Variants in AVEN observed in about 807,000 individuals in gnomAD.
AVEN encodes the protein apoptosis and caspase activation inhibitor, also known as cell death regulator Aven.
AVEN carries 41 observed loss-of-function variants against 38.1 expected under a neutral mutation model. The observed-to-expected ratio is 1.08, with a 90% CI of 0.84 to 1.40. The LOEUF is 1.40. AVEN is among the 40% of genes most tolerant of loss of function. The pLI is 0.00. For synonymous variants in AVEN, 206 were observed against 171.8 expected (o/e 1.20, Z -1.56); for missense variants, 605 against 438.8 (o/e 1.38, Z -3.38).
Position 33,866,599 on chromosome 15 carries a change from T to G in AVEN, c.*14A>C, listed in dbSNP as rs1409848165. ...GGCAACCAAGATTTGCTTCAGGCACTTTTTTTCCCCTTTTTAGGAAATCAT... is the reference window on the plus strand; with the variant it reads ...GGCAACCAAGATTTGCTTCAGGCACGTTTTTTCCCCTTTTTAGGAAATCAT... On this transcript the variant is annotated 3_prime_UTR_variant, in exon 6 of 6. Coordinates refer to ENST00000306730, the MANE Select transcript of AVEN (RefSeq NM_020371.3). 1.2e-6 allele frequency: 2 copies of G among 1,602,150 alleles called. No homozygotes were observed. Among genetic ancestry groups the G allele is most frequent in the Non-Finnish European group, 1.7e-6 (2 of 1,170,432 alleles).
In AVEN at chr15:33,929,442, T is replaced by C. The variant is rs190634733; in HGVS notation, c.446-53447A>G. Reference sequence around the variant, plus strand: ...AACTGATAGGACTAGGGCCAGCCTCTGGGCCGAGGGAAAAAGAGTAAACCA... The same window carrying C: ...AACTGATAGGACTAGGGCCAGCCTCCGGGCCGAGGGAAAAAGAGTAAACCA... On this transcript the variant is annotated intron_variant, in intron 2 of 5. Coordinates refer to ENST00000306730, the MANE Select transcript of AVEN (RefSeq NM_020371.3). Among the ~76,000 whole-genome samples, 6 of 152,338 alleles carry C rather than the reference T, an allele frequency of 3.9e-5. 1 individual carries two copies. The East Asian group carries it at 1.2e-3, about 29-fold the overall frequency.
chr15:33,853,742 C>T, the AVEN span: 10 of 1,563,068 alleles, frequency 6.4e-6, no homozygotes, highest in Non-Finnish European at 8.7e-6. Flanking sequence ...CTTTGCTTTT[C>T]CATAGGAAAA....
chr15:33,855,740 A>T (rs192980271), downstream of AVEN: 3 of 152,356 alleles, frequency 2.0e-5, no homozygotes, highest in East Asian at 5.8e-4. Flanking sequence ...TATATACATT[A>T]TATAGTTAAT....
intron 2 of AVEN, chr15:33,969,197 T>C (rs1272142340): frequency 6.6e-6 from 1 of 152,098 alleles, no homozygotes; most frequent in African/African-American, 2.4e-5. Flanking sequence ...TCTACTGAAA[T>C]TAAATCTGCT....
chr15:33,968,183 C>G (rs1473101810), intron 2 of AVEN, among the ~76,000 whole-genome samples: 2 of 135,570 alleles, frequency 1.5e-5, no homozygotes, highest in Non-Finnish European at 3.1e-5. Flanking sequence ...CATTTTGGAA[C>G]CTTATTCCAG....
At chr15:33,963,340 T>A (rs1836559736) in intron 2 of AVEN, among the ~76,000 whole-genome samples, 1 of 152,216 alleles carries the variant, frequency 6.6e-6, no homozygotes, top group African/African-American at 2.4e-5. Flanking sequence ...AGATAGATCC[T>A]TTCTTTAAAA....
Position 34,038,773 on chromosome 15 carries a change from C to T in AVEN, c.267+7G>A. ...CGGTCCCAGCCCCACCAGCCGTCGCCTCTTACCGGCGCGCTGGCCCCTGCG... is the reference window on the plus strand; with the variant it reads ...CGGTCCCAGCCCCACCAGCCGTCGCTTCTTACCGGCGCGCTGGCCCCTGCG... On this transcript the variant is annotated splice_region_variant and intron_variant, in intron 1 of 5. Transcript: ENST00000306730. The T allele has an allele frequency of 8.5e-7, 1 of 1,173,560 alleles. No individual in the cohort carries two copies. The highest frequency in any genetic ancestry group is 1.0e-6 in the Non-Finnish European group (1 of 952,592). 72.7% of individuals were successfully genotyped at this position (1,173,560 alleles called of 1,614,324 possible). A position where few individuals can be genotyped will look rare whatever the true frequency, so the allele number is the denominator to read the frequency against.
At chr15:33,880,435 T>C (rs1891436426) in intron 2 of AVEN, among the ~76,000 whole-genome samples, 1 of 152,192 alleles carries the variant, frequency 6.6e-6, no homozygotes, top group African/African-American at 2.4e-5. Context: ...GGACAAAAAC[T>C]AGAGTTCAGG....
chr15:34,052,799 G>T (rs1204432004), intron 5 of AVEN, among the ~76,000 whole-genome samples: 1 of 152,016 alleles, frequency 6.6e-6, no homozygotes, highest in Non-Finnish European at 1.5e-5. Context: ...GGAAGTGAAG[G>T]ACCTCTTCAA....
intron 1 of AVEN, among the ~76,000 whole-genome samples, chr15:34,074,293 T>C (rs1900692458): frequency 6.6e-6 from 1 of 152,064 alleles, no homozygotes; most frequent in Non-Finnish European, 1.5e-5. Context: ...CCACTGCACC[T>C]GGCCCATGGA....
At chr15:33,854,664 C>A (rs1439087867), downstream of AVEN, 2 of 1,441,958 alleles carry the variant, frequency 1.4e-6, no homozygotes, top group African/African-American at 2.9e-5. Flanking sequence ...GCACCTAAAC[C>A]CCCTCTATCC....
At position 34,014,385 on chromosome 15, in the gene AVEN, C is replaced by CAAAAAAAAAAAAAAAAAAAAAAAAA. The variant is rs869310860; in HGVS notation, c.268-11177_268-11176insTTTTTTTTTTTTTTTTTTTTTTTTT. Among the ~76,000 whole-genome samples the CAAAAAAAAAAAAAAAAAAAAAAAAA allele has an allele frequency of 1.3e-4, 3 of 23,894 alleles. 1 individual carries two copies. The highest frequency in any genetic ancestry group is 1.6e-4 in the African/African-American group (2 of 12,750). 15.7% of individuals were successfully genotyped at this position (23,894 alleles called of 152,430 possible). A position where few individuals can be genotyped will look rare whatever the true frequency, so the allele number is the denominator to read the frequency against. On this transcript the variant is annotated intron_variant, in intron 1 of 5. Transcript: ENST00000306730. ...ATCTCATTAAAAAAAAAAAAAAAAACAAAAACAAAAACCACGTTTGAGGAT... is the reference window on the plus strand; with the variant it reads ...ATCTCATTAAAAAAAAAAAAAAAAACAAAAAAAAAAAAAAAAAAAAAAAAAAAAAACAAAAACCACGTTTGAGGAT...
At chr15:33,929,684 G>A (rs1893765610) in intron 2 of AVEN, among the ~76,000 whole-genome samples, 1 of 152,186 alleles carries the variant, frequency 6.6e-6, no homozygotes, top group South Asian at 2.1e-4. Flanking sequence ...AAATTACTGT[G>A]ACTAATTATT....
chr15:34,042,404 T>TG (rs1424278038), upstream of AVEN, among the ~76,000 whole-genome samples: 391 of 150,146 alleles, frequency 2.6e-3, 2 homozygotes, highest in African/African-American at 9.3e-3. Flanking sequence ...AAGTTTTTTT[T>TG]TTTTTTTTTT....
At chr15:34,015,035 A>AG (rs1897821602) in intron 1 of AVEN, among the ~76,000 whole-genome samples, 1 of 152,158 alleles carries the variant, frequency 6.6e-6, no homozygotes, top group African/African-American at 2.4e-5. Context: ...AGAGTCCTGA[A>AG]GCCTGAAAAG....
At chr15:34,053,333 T>TATAC (rs1900014100) in intron 5 of AVEN, among the ~76,000 whole-genome samples, 1 of 134,954 alleles carries the variant, frequency 7.4e-6, no homozygotes, top group South Asian at 2.3e-4. Context: ...TATATATATA[T>TATAC]ATATATATAT....
At chr15:34,062,554 CAAA>C (rs10632153) in intron 5 of AVEN, 508 of 409,462 alleles carry the variant, frequency 1.2e-3, no homozygotes, top group South Asian at 2.8e-3. Flanking sequence ...GATTCTGTCT[CAAA>C]AAAAAAAAAA....
downstream of AVEN, chr15:33,865,245 C>A: frequency 6.5e-7 from 1 of 1,547,320 alleles, no homozygotes; most frequent in South Asian, 1.2e-5. Flanking sequence ...CAAAGAAGCG[C>A]GACAATTCTG....
chr15:33,882,850 G>A (rs117061604), intron 2 of AVEN, among the ~76,000 whole-genome samples: 1 of 152,110 alleles, frequency 6.6e-6, no homozygotes, highest in Non-Finnish European at 1.5e-5. Flanking sequence ...TCCAGCCTGG[G>A]TGACGGAACA....
Sources: allele counts gnomAD v4.1 joint callset (sites outside exome capture counted in the v4.1 genomes callset), GRCh38; gene constraint gnomAD v4.1.1; transcripts MANE v1.5; gene names NCBI Gene and HGNC (gene_info 2026-07-23, HGNC 2026-07-21).